The following EZH2 variants were observed in gnomAD, a reference collection of about 807,000 sequenced individuals.
The protein encoded by EZH2 is enhancer of zeste 2 polycomb repressive complex 2 subunit.
In EZH2, 18 loss-of-function variants were observed where a neutral mutation model predicts 98.4. That is an observed-to-expected ratio of 0.18 (90% CI 0.13 to 0.27). EZH2 has a LOEUF of 0.27. EZH2 is among the 10% of genes least tolerant of loss of function. EZH2 has a pLI of 1.00. For synonymous variants in EZH2, 338 were observed against 312.3 expected (o/e 1.08, Z -0.87); for missense variants, 470 against 935.1 (o/e 0.50, Z 6.49).
chr7:148,863,208 C>T (rs923099351), intron 1 of EZH2, among the ~76,000 whole-genome samples: 1 of 151,782 alleles, frequency 6.6e-6, no homozygotes, highest in Non-Finnish European at 1.5e-5. Flanking sequence ...GTCATAATAC[C>T]CTGCCTTTTC....
intron 1 of EZH2, among the ~76,000 whole-genome samples, chr7:148,875,696 C>T (rs1043337860): frequency 1.3e-5 from 2 of 152,140 alleles, no homozygotes; most frequent in East Asian, 1.9e-4. Context: ...AAGAGTTTAA[C>T]GGTTTCTTAC....
chr7:148,880,023 C>T lies in EZH2; in HGVS notation c.-8+4141G>A, dbSNP rs552346197. On this transcript the variant is annotated intron_variant, in intron 1 of 19. Coordinates refer to ENST00000320356, the MANE Select transcript of EZH2 (RefSeq NM_004456.5). ...ACTCAGGAGGCTGAGACAGGAGGAT[C>T]CCTTGAGCCCAGGAGTTTAAGGATG... 8.3e-4 allele frequency among the ~76,000 whole-genome samples: 127 copies of T among 152,326 alleles called. 1 individual carries two copies. Among genetic ancestry groups the T allele is most frequent in the Middle Eastern group, 6.8e-3 (2 of 294 alleles).
At chr7:148,874,204 T>C (rs984747769) in intron 1 of EZH2, among the ~76,000 whole-genome samples, 7 of 152,112 alleles carry the variant, frequency 4.6e-5, no homozygotes, top group East Asian at 1.9e-4. Context: ...CTGGGCAACA[T>C]AGTGAAACTC....
At chr7:148,810,262 T>G in intron 17 of EZH2, 71 bp downstream of exon 17, 2 of 1,188,134 alleles carry the variant, frequency 1.7e-6, no homozygotes, top group Middle Eastern at 1.9e-4. Context: ...CCCTCGTTTC[T>G]GAACACTCGG....
intron 1 of EZH2, among the ~76,000 whole-genome samples, chr7:148,859,029 A>ACT (rs1373159085): frequency 8.5e-5 from 13 of 152,270 alleles, no homozygotes; most frequent in South Asian, 2.1e-4. Context: ...ACAACTCAGA[A>ACT]AAGAGTATTT....
intron 8 of EZH2, 64 bp from the exon 9 acceptor site, chr7:148,819,751 AG>A (rs1805489535): frequency 7.0e-7 from 1 of 1,420,190 alleles, no homozygotes; most frequent in Non-Finnish European, 9.8e-7. Context: ...TCACTCTTCC[AG>A]TTCCACTGGA....
chr7:148,815,974 A>G (rs1804429703), intron 12 of EZH2, among the ~76,000 whole-genome samples: 1 of 152,160 alleles, frequency 6.6e-6, no homozygotes, highest in Admixed American at 6.5e-5. Flanking sequence ...AAAAATAAAA[A>G]CTTGACTTTA....
At chr7:148,827,363 AT>A in intron 6 of EZH2, 97 bp from the exon 7 acceptor site, 1 of 825,524 alleles carries the variant, frequency 1.2e-6, no homozygotes, top group Non-Finnish European at 1.9e-6. Context: ...AACAAAGCTG[AT>A]TTTCTAAGAA....
Position 148,807,723 on chromosome 7 carries a change from G to T in EZH2, c.2196-17C>A. Reference sequence around the variant, plus strand: ...TGGCTGTATCTGAAACAACAGGAAGGAGATGTCCGCTGGATGGCCACCCAT... The same window carrying T: ...TGGCTGTATCTGAAACAACAGGAAGTAGATGTCCGCTGGATGGCCACCCAT... On this transcript the variant is annotated splice_polypyrimidine_tract_variant and intron_variant, in intron 19 of 19. Coordinates refer to ENST00000320356, the MANE Select transcript of EZH2 (RefSeq NM_004456.5). 1 of 1,576,938 alleles carries T rather than the reference G, an allele frequency of 6.3e-7. No individual in the cohort carries two copies. The highest frequency in any genetic ancestry group is 1.2e-5 in the South Asian group (1 of 86,102).
chr7:148,822,054 G>A (rs537237821), intron 8 of EZH2, among the ~76,000 whole-genome samples: 1 of 152,182 alleles, frequency 6.6e-6, no homozygotes, highest in African/African-American at 2.4e-5. Context: ...CTTTGGAAGT[G>A]AGGAGGAGGA....
chr7:148,868,095 C>T (rs1302201895), intron 1 of EZH2, among the ~76,000 whole-genome samples: 2 of 152,178 alleles, frequency 1.3e-5, no homozygotes, highest in Non-Finnish European at 2.9e-5. Context: ...CCCTTATCTT[C>T]CTGTCTTGTT....
At position 148,807,396 on chromosome 7, in the gene EZH2, A is replaced by G; in HGVS notation, c.*250T>C. ...TGATTCAACAAGGACAAGTTCAAGT[A>G]TTCTTTATTCAAAGTTGAAAAATGT... On this transcript the variant is annotated 3_prime_UTR_variant, in exon 20 of 20. Coordinates refer to ENST00000320356, the MANE Select transcript of EZH2 (RefSeq NM_004456.5). 6.1e-6 allele frequency: 3 copies of G among 490,284 alleles called. No homozygotes were observed. Among genetic ancestry groups the G allele is most frequent in the Non-Finnish European group, 1.1e-5 (3 of 274,664 alleles). The allele number at this position is 490,284 out of a possible 1,614,324, so 30.4% of individuals were successfully genotyped here.
intron 8 of EZH2, among the ~76,000 whole-genome samples, chr7:148,821,268 G>A (rs997575365): frequency 1.3e-5 from 2 of 151,998 alleles, no homozygotes; most frequent in African/African-American, 4.8e-5. Context: ...AAGGTAGCAG[G>A]GTACAAAACA....
At chr7:148,845,413 A>G (rs1023010867) in intron 3 of EZH2, among the ~76,000 whole-genome samples, 5 of 152,222 alleles carry the variant, frequency 3.3e-5, no homozygotes, top group African/African-American at 1.2e-4. Context: ...ATTATAAGTC[A>G]GAGCTTTACA....
chr7:148,873,447 C>G (rs10246700), intron 1 of EZH2, among the ~76,000 whole-genome samples: 117,286 of 145,590 alleles, frequency 0.81, 47,844 homozygotes, highest in African/African-American at 0.94. Context: ...AGCCAAGATC[C>G]TGCCACTGCA....
intron 2 of EZH2, 76 bp downstream of exon 2, chr7:148,847,106 A>C (rs1471147666): frequency 2.0e-5 from 30 of 1,507,524 alleles, no homozygotes; most frequent in Non-Finnish European, 2.6e-5. Context: ...ATTTTAAATA[A>C]AAACTTATTG....
intron 3 of EZH2, among the ~76,000 whole-genome samples, chr7:148,837,801 C>T (rs1014420520): frequency 1.3e-5 from 2 of 152,172 alleles, no homozygotes; most frequent in Admixed American, 1.3e-4. Flanking sequence ...TTAATGAAAG[C>T]AACTAATCAA....
At chr7:148,876,240 T>TCATGCCATTG (rs1328733250) in intron 1 of EZH2, 1 of 151,350 alleles carries the variant, frequency 6.6e-6, no homozygotes, top group African/African-American at 2.4e-5. Context: ...TGAGCCGAGA[T>TCATGCCATTG]CATGCCATTG....
intron 8 of EZH2, among the ~76,000 whole-genome samples, chr7:148,822,578 A>AT (rs1208709904): frequency 6.6e-6 from 1 of 152,080 alleles, no homozygotes; most frequent in Non-Finnish European, 1.5e-5. Context: ...ATTGCAACTC[A>AT]TATTTCAAAA....
Sources: gnomAD v4.1 joint callset for allele counts (sites outside exome capture counted in the v4.1 genomes callset) on GRCh38, gnomAD v4.1.1 for gene constraint, MANE v1.5 for transcripts, NCBI Gene and HGNC (gene_info 2026-07-23, HGNC 2026-07-21) for gene names.